The following DPP10 variants were observed in gnomAD, a reference collection of about 807,000 sequenced individuals.
DPP10 encodes the protein dipeptidyl peptidase like 10.
Under a neutral mutation model 120.9 loss-of-function variants are expected in DPP10, and 33 were observed. The observed-to-expected ratio is 0.27, with a 90% confidence interval of 0.21 to 0.37. The LOEUF is 0.37. Ranked by LOEUF, DPP10 falls within the 10% of genes least tolerant of loss-of-function variation. The pLI is 1.00. For missense variants in DPP10, 816 were observed against 942.8 expected, an observed-to-expected ratio of 0.87 and a Z score of 1.76; for synonymous variants, 337 against 326.1, an observed-to-expected ratio of 1.03 and a Z score of -0.36.
chr2:115,202,745 T>G (rs1397463897), intron 1 of DPP10, among the ~76,000 whole-genome samples: 1 of 152,230 alleles, frequency 6.6e-6, no homozygotes, highest in Non-Finnish European at 1.5e-5. Flanking sequence ...TAATGAGCAC[T>G]GGAAGTATGG....
rs545750029 is a variant in DPP10, at chr2:115,139,584, A to C, written c.61-169655A>C. Among the ~76,000 whole-genome samples the C allele has an allele frequency of 1.1e-4, 17 of 152,210 alleles. No homozygotes were observed. The South Asian group carries it at 3.5e-3, about 32-fold the overall frequency. Reference sequence around the variant, plus strand: ...TTCTGGGCTGAGTATCAATGGTTACATAAATTGAACTTTGTCAGGAAAGGG... The same window carrying C: ...TTCTGGGCTGAGTATCAATGGTTACCTAAATTGAACTTTGTCAGGAAAGGG... On this transcript the variant is annotated intron_variant, in intron 1 of 25. Transcript: ENST00000410059.
intron 1 of DPP10, among the ~76,000 whole-genome samples, chr2:114,991,072 A>T (rs6542233): frequency 0.78 from 118,159 of 152,152 alleles, 46,096 homozygotes; most frequent in African/African-American, 0.86. Flanking sequence ...ACATAACAGA[A>T]AATAAGACCA....
At chr2:115,397,686 C>A (rs1321044590) in intron 3 of DPP10, among the ~76,000 whole-genome samples, 2 of 152,206 alleles carry the variant, frequency 1.3e-5, no homozygotes, top group African/African-American at 4.8e-5. Context: ...TCTTCAGCTT[C>A]CACTTTAGTT....
chr2:115,600,515 T>C (rs2083258364), intron 5 of DPP10, among the ~76,000 whole-genome samples: 1 of 152,250 alleles, frequency 6.6e-6, no homozygotes, highest in Non-Finnish European at 1.5e-5. Context: ...CATGTATATA[T>C]GGAAGATCAG....
intron 1 of DPP10, among the ~76,000 whole-genome samples, chr2:114,642,719 A>G (rs1387932889): frequency 6.6e-6 from 1 of 151,818 alleles, no homozygotes; most frequent in Non-Finnish European, 1.5e-5. Flanking sequence ...CAGCCCATAA[A>G]AAAAAAAACT....
At chr2:115,053,258 T>C (rs1359356307) in intron 1 of DPP10, among the ~76,000 whole-genome samples, 1 of 152,172 alleles carries the variant, frequency 6.6e-6, no homozygotes, top group East Asian at 1.9e-4. Context: ...ATGTGGTATG[T>C]TCATGTAATG....
intron 1 of DPP10, among the ~76,000 whole-genome samples, chr2:114,793,861 T>A (rs1213546058): frequency 3.3e-5 from 5 of 152,296 alleles, no homozygotes; most frequent in Non-Finnish European, 5.9e-5. Flanking sequence ...CATGAATTGT[T>A]TTGTAATTAC....
chr2:115,297,358 A>G (rs962619325), intron 1 of DPP10: 28 of 299,160 alleles, frequency 9.4e-5, no homozygotes, highest in Admixed American at 3.9e-5. Flanking sequence ...ACTATTTTCT[A>G]TCGCTCTACA....
At position 114,570,836 on chromosome 2, in the gene DPP10, T is replaced by TAAAAAA. The variant is rs58796386; in HGVS notation, c.60+128017_60+128022dup. On this transcript the variant is annotated intron_variant, in intron 1 of 25. Transcript: ENST00000410059. ...TGACAGAGTGAGACTCTGTCTCAAA[T>TAAAAAA]AAAAAAAAAAAAAAAAAAAAAAAAG... Among the ~76,000 whole-genome samples, 264 of 57,436 alleles carry TAAAAAA rather than the reference T, an allele frequency of 4.6e-3. 1 individual carries two copies. The highest frequency in any genetic ancestry group is 8.7e-3 in the African/African-American group (172 of 19,734). The allele number at this position is 57,436 out of a possible 152,430, so 37.7% of individuals were successfully genotyped here. A position where few individuals can be genotyped will look rare whatever the true frequency, so the allele number is the denominator to read the frequency against.
At chr2:115,827,310 C>T (rs202064893) in intron 21 of DPP10, among the ~76,000 whole-genome samples, 1 of 39,906 alleles carries the variant, frequency 2.5e-5, no homozygotes, top group Non-Finnish European at 5.3e-5. Context: ...CATATATATA[C>T]ACATGTACAT....
Position 114,457,863 on chromosome 2 carries a change from G to A in DPP10, c.60+15025G>A, listed in dbSNP as rs545338401. The stretch of plus-strand genomic sequence containing the variant: ...AGCACAGCTATCACCATTCCATGCT[G>A]AGGATGGTTAGTGTTCCTTTTAAAA... On this transcript the variant is annotated intron_variant, in intron 1 of 25. Transcript: ENST00000410059. Among the ~76,000 whole-genome samples, 4 of 152,270 alleles carry A rather than the reference G, an allele frequency of 2.6e-5. No homozygotes were observed. In the East Asian group the frequency reaches 5.8e-4, roughly 22 times the overall value.
chr2:115,581,282 C>A (rs548072434), intron 5 of DPP10, among the ~76,000 whole-genome samples: 1 of 152,232 alleles, frequency 6.6e-6, no homozygotes, highest in South Asian at 2.1e-4. Context: ...AGAGACACAC[C>A]TCCCATTTGC....
intron 12 of DPP10, among the ~76,000 whole-genome samples, 158 bp from the exon 13 acceptor site, chr2:115,768,139 A>T (rs1162910407): frequency 2.0e-5 from 3 of 152,170 alleles, no homozygotes; most frequent in African/African-American, 2.4e-5. Context: ...AAAAAAGTTT[A>T]AAAAATAGCA....
intron 3 of DPP10, among the ~76,000 whole-genome samples, chr2:115,433,322 A>G (rs1159425662): frequency 6.6e-6 from 1 of 152,086 alleles, no homozygotes; most frequent in Non-Finnish European, 1.5e-5. Context: ...ACAGTCAATT[A>G]AAAACCATTG....
In DPP10 at chr2:115,712,540, TTAAATATATA is replaced by T. The variant is rs1208965796; in HGVS notation, c.577-15273_577-15264del. Among the ~76,000 whole-genome samples the T allele has an allele frequency of 7.0e-3, 126 of 18,074 alleles. 22 individuals carry two copies. Among genetic ancestry groups the T allele is most frequent in the African/African-American group, 0.011 (91 of 8,640 alleles). The allele number at this position is 18,074 out of a possible 152,430, so 11.9% of individuals were successfully genotyped here. A position where few individuals can be genotyped will look rare whatever the true frequency, so the allele number is the denominator to read the frequency against. ...AGAAATAGCTTTGAAGAGTCCTGAA[TTAAATATATA>T]TATATATATATATATAAAGAAACTG... On this transcript the variant is annotated intron_variant, in intron 7 of 25. Coordinates refer to ENST00000410059, the MANE Select transcript of DPP10 (RefSeq NM_020868.6).
chr2:114,665,664 A>C (rs1033379054), intron 1 of DPP10, among the ~76,000 whole-genome samples: 1 of 152,236 alleles, frequency 6.6e-6, no homozygotes, highest in African/African-American at 2.4e-5. Context: ...ATATACTAAT[A>C]TTGTTATTGT....
intron 3 of DPP10, among the ~76,000 whole-genome samples, chr2:115,384,487 A>G (rs968399543): frequency 1.3e-5 from 2 of 149,500 alleles, no homozygotes; most frequent in African/African-American, 4.9e-5. Flanking sequence ...AGGAAGAAGA[A>G]GAAGAAGAGG....
intron 1 of DPP10, among the ~76,000 whole-genome samples, chr2:114,942,298 C>CATATATATATATATATATATAT (rs752991108): frequency 2.2e-4 from 23 of 104,676 alleles, no homozygotes; most frequent in African/African-American, 9.1e-4. Context: ...TATATATATA[C>CATATATATATATATATATATAT]ATATATATAT....
At chr2:115,171,225 G>C (rs760721880) in intron 1 of DPP10, among the ~76,000 whole-genome samples, 1 of 151,896 alleles carries the variant, frequency 6.6e-6, no homozygotes, top group Non-Finnish European at 1.5e-5. Flanking sequence ...GCCAGGTGTG[G>C]TGCCACATGC....
Sources: gnomAD v4.1 joint callset for allele counts (sites outside exome capture counted in the v4.1 genomes callset) on GRCh38, gnomAD v4.1.1 for gene constraint, MANE v1.5 for transcripts, NCBI Gene and HGNC (gene_info 2026-07-23, HGNC 2026-07-21) for gene names.